Variants in PTP4A3 observed in about 807,000 individuals in gnomAD.
The protein encoded by PTP4A3 is protein tyrosine phosphatase type IVA 3.
A neutral mutation model predicts 15.2 loss-of-function variants in PTP4A3; 9 were observed. That is an observed-to-expected ratio of 0.59 (90% CI 0.36 to 1.03). The LOEUF is 1.03. Ranked by LOEUF, PTP4A3 falls within the 50% of genes least tolerant of loss-of-function variation. The probability of loss-of-function intolerance (pLI) is 0.02; values close to 1 mark genes in which losing one functional copy is unlikely to be tolerated. For synonymous variants in PTP4A3, 95 were observed against 102.0 expected (o/e 0.93, Z 0.41); for missense variants, 234 against 252.1 (o/e 0.93, Z 0.49).
intron 1 of PTP4A3, among the ~76,000 whole-genome samples, chr8:141,413,432 C>T (rs1191735879): frequency 1.3e-5 from 2 of 152,228 alleles, no homozygotes; most frequent in Non-Finnish European, 2.9e-5. Flanking sequence ...GGCCTAATGC[C>T]AGGGCCAGGG....
At chr8:141,401,040 G>T (rs1832577445) in intron 1 of PTP4A3, among the ~76,000 whole-genome samples, 1 of 152,126 alleles carries the variant, frequency 6.6e-6, no homozygotes, top group Non-Finnish European at 1.5e-5. Flanking sequence ...GGGGACCCAG[G>T]ACCTGACGGA....
rs1255719530 is a variant in PTP4A3, at chr8:141,406,616, G to A, written c.-854+14532G>A. ...GACCCCAGTGTTTGTGATCAAACGG[G>A]GCCCAGACTCATTGACATCCTGCGT... is the stretch of plus-strand genomic sequence containing the variant. On this transcript the variant is annotated intron_variant, in intron 1 of 5. Coordinates refer to ENST00000521578, the MANE Select transcript of PTP4A3 (RefSeq NM_032611.3). The surrounding 1 kb of genome is among the most constrained non-coding windows in gnomAD (Gnocchi z 4.5). Among the ~76,000 whole-genome samples the A allele has an allele frequency of 6.6e-6, 1 of 152,150 alleles. No individual in the cohort carries two copies. Among genetic ancestry groups the A allele is most frequent in the Admixed American group, 6.5e-5 (1 of 15,274 alleles).
At chr8:141,427,720 G>C in intron 4 of PTP4A3, 30 bp from the exon 5 acceptor site, 1 of 1,543,550 alleles carries the variant, frequency 6.5e-7, no homozygotes, top group Non-Finnish European at 8.8e-7. Flanking sequence ...CGCAGGCTCC[G>C]ATGACCCCCG....
At position 141,427,357 on chromosome 8, in the gene PTP4A3, C is replaced by T. The variant is rs147712074; in HGVS notation, c.329+288C>T. The stretch of plus-strand genomic sequence containing the variant: ...CTCCAGACACAAAGATCCCCCCACA[C>T]ACAGCTGGGGCCTCAGACTCCCTGC... On this transcript the variant is annotated intron_variant, in intron 4 of 5. Coordinates refer to ENST00000521578, the MANE Select transcript of PTP4A3 (RefSeq NM_032611.3). Among the ~76,000 whole-genome samples, 519 of 152,332 alleles carry T rather than the reference C, an allele frequency of 3.4e-3. 4 individuals carry two copies. The highest frequency in any genetic ancestry group is 0.011 in the African/African-American group (450 of 41,566).
intron 1 of PTP4A3, among the ~76,000 whole-genome samples, chr8:141,401,001 G>T (rs1387379530): frequency 6.6e-6 from 1 of 152,106 alleles, no homozygotes; most frequent in Non-Finnish European, 1.5e-5. Flanking sequence ...ACCAGGAAGG[G>T]GCAAGCCGGG....
At chr8:141,423,722 G>A (rs28501627) in intron 2 of PTP4A3, among the ~76,000 whole-genome samples, 5,036 of 151,232 alleles carry the variant, frequency 0.033, 269 homozygotes, top group African/African-American at 0.12. Context: ...GACCAGGGTC[G>A]AAGCTCAGTG....
intron 1 of PTP4A3, among the ~76,000 whole-genome samples, chr8:141,407,856 C>T (rs1029163740): frequency 7.9e-5 from 12 of 152,196 alleles, no homozygotes; most frequent in East Asian, 1.9e-4. Context: ...CGTGAGCCAC[C>T]GTGCCTGGCC....
chr8:141,396,203 C>T (rs1401728674), intron 1 of PTP4A3, among the ~76,000 whole-genome samples: 7 of 152,200 alleles, frequency 4.6e-5, no homozygotes, highest in East Asian at 1.9e-4. Flanking sequence ...TGGACTCATA[C>T]GTAAAACTTG....
At chr8:141,430,484 G>T (rs55943285) in intron 5 of PTP4A3, among the ~76,000 whole-genome samples, 32,406 of 152,072 alleles carry the variant, frequency 0.21, 3,913 homozygotes, top group African/African-American at 0.33. Context: ...TGGGGACAGG[G>T]TGAGCATGCA....
intron 1 of PTP4A3, among the ~76,000 whole-genome samples, chr8:141,416,945 C>T (rs1833077107): frequency 6.6e-6 from 1 of 152,162 alleles, no homozygotes; most frequent in Non-Finnish European, 1.5e-5. Flanking sequence ...AGGGCCACAC[C>T]TCCAGGGACC....
chr8:141,396,785 G>C (rs7465449), intron 1 of PTP4A3, among the ~76,000 whole-genome samples: 50,239 of 152,016 alleles, frequency 0.33, 8,673 homozygotes, highest in East Asian at 0.6. Flanking sequence ...CCCTTCTCAC[G>C]TGGGACAAGA....
chr8:141,426,582 A>G (rs1469314278), intron 3 of PTP4A3: 8 of 985,350 alleles, frequency 8.1e-6, no homozygotes, highest in Non-Finnish European at 9.6e-6. Context: ...CCACCGGCAC[A>G]CAGGCGTGAG....
In PTP4A3 at chr8:141,424,944, T is replaced by C. The variant is rs559712829; in HGVS notation, c.106-104T>C. ...GGGACATGTCCAAGTCCTGGGTGAC[T>C]GTGGGGGACACAGCTGTGCCCTGGG... On this transcript the variant is annotated intron_variant, in intron 2 of 5. Coordinates refer to ENST00000521578, the MANE Select transcript of PTP4A3 (RefSeq NM_032611.3). 10 of 944,098 alleles carry C rather than the reference T, an allele frequency of 1.1e-5. No individual in the cohort carries two copies. The African/African-American group carries it at 1.5e-4, about 14-fold the overall frequency. 58.5% of individuals were successfully genotyped at this position (944,098 alleles called of 1,614,324 possible).
chr8:141,396,227 C>T (rs1832448129), intron 1 of PTP4A3, among the ~76,000 whole-genome samples: 1 of 152,198 alleles, frequency 6.6e-6, no homozygotes, highest in Non-Finnish European at 1.5e-5. Context: ...CATTTTAACT[C>T]CCTTCATCCT....
chr8:141,410,441 C>T (rs62522497), intron 1 of PTP4A3, among the ~76,000 whole-genome samples: 6,382 of 152,350 alleles, frequency 0.042, 158 homozygotes, highest in Non-Finnish European at 0.046. Flanking sequence ...GCCCCATCCA[C>T]GCAGGCTCCC....
At position 141,430,928 on chromosome 8, in the gene PTP4A3, A is replaced by G; in HGVS notation, c.406A>G (p.Lys136Glu). Residue 136 changes from lysine (K) to glutamate (E), a missense_variant and splice_region_variant, in exon 6 of 6, where the codon AAG (lysine) becomes GAG (glutamate). By Grantham distance (56) the Lys-to-Glu change is moderately conservative (BLOSUM62 1). Coordinates refer to ENST00000521578, the MANE Select transcript of PTP4A3 (RefSeq NM_032611.3). The stretch of plus-strand genomic sequence containing the variant: ...CTGTTCCTGTTCCCCTCTTCCCAGG[A>G]AGCGCCGCGGAGCCATCAACAGCAA... Reference protein sequence around the residue: ...YEDAIQFIRQKRRGAINSKQL... With the variant: ...YEDAIQFIRQERRGAINSKQL... 1.2e-6 allele frequency: 2 copies of G among 1,613,076 alleles called. No individual in the cohort carries two copies. The highest frequency in any genetic ancestry group is 1.7e-6 in the Non-Finnish European group (2 of 1,179,888).
Position 141,430,948 on chromosome 8 carries a change from C to T in PTP4A3, c.426C>T (p.Asn142=), listed in dbSNP as rs1478340876. ...FIRQKRRGAI[N]SKQLTYLEKY... ...CCAGGAAGCGCCGCGGAGCCATCAA[C>T]AGCAAGCAGCTCACCTACCTGGAGA... Residue 142 remains asparagine, a synonymous_variant, in exon 6 of 6, where the codon AAC becomes AAT. Coordinates refer to ENST00000521578, the MANE Select transcript of PTP4A3 (RefSeq NM_032611.3). 1.2e-6 allele frequency: 2 copies of T among 1,613,294 alleles called. No individual in the cohort carries two copies. The highest frequency in any genetic ancestry group is 2.2e-5 in the East Asian group (1 of 44,874).
rs1371186744 is a variant in PTP4A3 at position 141,414,128 on chromosome 8, T to C, written c.-853-7260T>C. Among the ~76,000 whole-genome samples, 9 of 152,218 alleles carry C rather than the reference T, an allele frequency of 5.9e-5. 1 individual carries two copies. The highest frequency in any genetic ancestry group is 1.5e-5 in the Non-Finnish European group (1 of 68,038). On this transcript the variant is annotated intron_variant, in intron 1 of 5. Coordinates refer to ENST00000521578, the MANE Select transcript of PTP4A3 (RefSeq NM_032611.3). The stretch of plus-strand genomic sequence containing the variant: ...TGTGTATGCAGGTCAGTGTGTGTGC[T>C]TGCCAGAGCTTCCCATTGGGCGGTT...
At chr8:141,401,667 A>AG (rs1270452377) in intron 1 of PTP4A3, among the ~76,000 whole-genome samples, 2 of 152,166 alleles carry the variant, frequency 1.3e-5, no homozygotes, top group Non-Finnish European at 2.9e-5. Flanking sequence ...AGTCACCGGA[A>AG]GGGCCGTCCC....
Sources: allele counts gnomAD v4.1 joint callset (sites outside exome capture counted in the v4.1 genomes callset), GRCh38; gene constraint gnomAD v4.1.1; non-coding constraint Gnocchi (gnomAD v3.1); transcripts MANE v1.5; gene names NCBI Gene and HGNC (gene_info 2026-07-23, HGNC 2026-07-21).